The following OR1J2 variants were observed in gnomAD, a reference collection of about 807,000 sequenced individuals.
The protein encoded by OR1J2 is olfactory receptor family 1 subfamily J member 2, also known as olfactory receptor 1J2.
For missense variants in OR1J2, 304 were observed against 246.1 expected (o/e 1.24, Z -1.57); for synonymous variants, 142 against 99.7 (o/e 1.42, Z -2.52).
downstream of OR1J2, among the ~76,000 whole-genome samples, chr9:122,512,887 C>T (rs563400232): frequency 5.3e-5 from 8 of 152,250 alleles, no homozygotes; most frequent in East Asian, 7.7e-4. Context: ...GGCAGGTTCA[C>T]GTGAGCTATA....
chr9:122,501,064 A>T, the OR1J2 span, among the ~76,000 whole-genome samples: 1 of 152,348 alleles, frequency 6.6e-6, no homozygotes, highest in African/African-American at 2.4e-5. Context: ...TGCGAAAGGC[A>T]GATTATTATT....
the OR1J2 span, among the ~76,000 whole-genome samples, chr9:122,555,978 A>G: frequency 5.9e-5 from 9 of 152,190 alleles, no homozygotes; most frequent in African/African-American, 1.9e-4. Context: ...TCATTATAGT[A>G]TCATACAGAA....
chr9:122,471,757 A>G, the OR1J2 span, among the ~76,000 whole-genome samples: 1 of 152,222 alleles, frequency 6.6e-6, no homozygotes, highest in Non-Finnish European at 1.5e-5. Context: ...TGGCCCAGCT[A>G]GAAAATTCCC....
chr9:122,448,616 G>A, the OR1J2 span, among the ~76,000 whole-genome samples: 10 of 152,296 alleles, frequency 6.6e-5, no homozygotes, highest in South Asian at 8.3e-4. Flanking sequence ...CCTGGGCAGA[G>A]GTCCCTGCGG....
chr9:122,516,311 T>TTC (rs1381598284), downstream of OR1J2, among the ~76,000 whole-genome samples: 5 of 146,716 alleles, frequency 3.4e-5, no homozygotes, highest in Admixed American at 2.0e-4. Context: ...TTTTTTTTTT[T>TTC]TTTTTTTTTT....
chr9:122,482,408 A>T, the OR1J2 span, among the ~76,000 whole-genome samples: 2 of 152,194 alleles, frequency 1.3e-5, no homozygotes, highest in Non-Finnish European at 1.5e-5. Flanking sequence ...GGGAAGACTT[A>T]TACATGGTTG....
the OR1J2 span, among the ~76,000 whole-genome samples, chr9:122,492,198 A>C: frequency 2.6e-5 from 4 of 151,996 alleles, no homozygotes; most frequent in African/African-American, 4.8e-5. Flanking sequence ...ATTGCCACAT[A>C]AGTCCTTGAC....
the OR1J2 span, among the ~76,000 whole-genome samples, chr9:122,547,119 T>TAA: frequency 4.0e-5 from 6 of 151,258 alleles, no homozygotes; most frequent in Non-Finnish European, 4.4e-5. Flanking sequence ...GTGAGCCACA[T>TAA]AAAAAAATAA....
At chr9:122,552,071 T>TGTCACACACACACACATACA in the OR1J2 span, among the ~76,000 whole-genome samples, 2 of 116,976 alleles carry the variant, frequency 1.7e-5, no homozygotes, top group Non-Finnish European at 4.0e-5. Context: ...TCTCTCTCTC[T>TGTCACACACACACACATACA]CTCTCTCTCA....
chr9:122,495,718 T>C, the OR1J2 span, among the ~76,000 whole-genome samples: 1 of 152,108 alleles, frequency 6.6e-6, no homozygotes, highest in Non-Finnish European at 1.5e-5. Flanking sequence ...TTTGGATCCA[T>C]TGCTGGTGAG....
chr9:122,524,645 C>T, the OR1J2 span, among the ~76,000 whole-genome samples: 1 of 152,128 alleles, frequency 6.6e-6, no homozygotes, highest in Non-Finnish European at 1.5e-5. Flanking sequence ...CATAAATTTA[C>T]CGCACTATCA....
the OR1J2 span, among the ~76,000 whole-genome samples, chr9:122,453,069 C>T: frequency 4.6e-5 from 7 of 151,178 alleles, no homozygotes; most frequent in South Asian, 2.1e-4. Context: ...GGCACCTGCC[C>T]GTATCCCCGC....
chr9:122,567,987 A>C, the OR1J2 span: 3 of 1,614,192 alleles, frequency 1.9e-6, no homozygotes, highest in Non-Finnish European at 2.5e-6. Flanking sequence ...GAGACGATTC[A>C]GCAGAAGTGT....
At chr9:122,517,445 T>C in the OR1J2 span, among the ~76,000 whole-genome samples, 1 of 152,228 alleles carries the variant, frequency 6.6e-6, no homozygotes, top group Non-Finnish European at 1.5e-5. Context: ...AATAGGAGTA[T>C]GCTCAACTCA....
At chr9:122,510,713 A>G (rs1671914511), upstream of OR1J2, 5 of 803,680 alleles carry the variant, frequency 6.2e-6, no homozygotes, top group Admixed American at 1.2e-4. Context: ...GTTAAAACGT[A>G]CATCTTTTAA....
At chr9:122,461,752 C>G in the OR1J2 span, among the ~76,000 whole-genome samples, 4 of 152,122 alleles carry the variant, frequency 2.6e-5, no homozygotes, top group East Asian at 7.7e-4. Flanking sequence ...AGTTGATTTC[C>G]AATTTTATTC....
the OR1J2 span, among the ~76,000 whole-genome samples, chr9:122,544,100 AAAACAT>A: frequency 6.6e-6 from 1 of 152,204 alleles, no homozygotes; most frequent in South Asian, 2.1e-4. Context: ...TGCATAGATC[AAAACAT>A]TACATTGTAG....
the OR1J2 span, chr9:122,475,637 A>G: frequency 6.6e-6 from 1 of 152,032 alleles, no homozygotes; most frequent in Non-Finnish European, 1.5e-5. Flanking sequence ...ATTATTTCCT[A>G]TCAATATCTT....
chr9:122,508,022 C>G (rs1422935318), upstream of OR1J2, among the ~76,000 whole-genome samples: 1 of 151,726 alleles, frequency 6.6e-6, no homozygotes, highest in Non-Finnish European at 1.5e-5. Flanking sequence ...TTATGATGAC[C>G]AAGCCTATCT....
Sources: gnomAD v4.1 joint callset for allele counts (sites outside exome capture counted in the v4.1 genomes callset) on GRCh38, gnomAD v4.1.1 for gene constraint, MANE v1.5 for transcripts, NCBI Gene and HGNC (gene_info 2026-07-23, HGNC 2026-07-21) for gene names.